The following MBNL2 variants were observed in gnomAD, a reference collection of about 807,000 sequenced individuals.
The protein encoded by MBNL2 is muscleblind like splicing regulator 2.
A neutral mutation model predicts 41.9 loss-of-function variants in MBNL2; 17 were observed. The ratio of observed to expected loss-of-function variants is 0.41; its 90% CI spans 0.28 to 0.61. The LOEUF is 0.61. MBNL2 is among the 20% of genes least tolerant of loss of function. The pLI, the probability that MBNL2 is intolerant of heterozygous loss-of-function variation, is 0.35. For missense variants in MBNL2, 336 were observed against 505.6 expected (o/e 0.66, Z 3.22); for synonymous variants, 195 against 182.9 (o/e 1.07, Z -0.53).
chr13:97,211,301 G>C, the MBNL2 span, among the ~76,000 whole-genome samples: 1 of 152,144 alleles, frequency 6.6e-6, no homozygotes, highest in Non-Finnish European at 1.5e-5. Flanking sequence ...TAAGTGATTA[G>C]GCTTGTTGGA....
chr13:97,148,603 G>C, the MBNL2 span, among the ~76,000 whole-genome samples: 2 of 152,120 alleles, frequency 1.3e-5, no homozygotes, highest in African/African-American at 4.8e-5. Context: ...GCTCAATTTT[G>C]CTGTGAAACG....
chr13:97,215,527 C>T, the MBNL2 span, among the ~76,000 whole-genome samples: 1 of 152,116 alleles, frequency 6.6e-6, no homozygotes, highest in Non-Finnish European at 1.5e-5. Flanking sequence ...ATGCAAGAAG[C>T]AATGTGGAAC....
At chr13:97,253,672 T>C (rs2046994563) in intron 1 of MBNL2, among the ~76,000 whole-genome samples, 1 of 152,152 alleles carries the variant, frequency 6.6e-6, no homozygotes, top group Non-Finnish European at 1.5e-5. Flanking sequence ...TTATCACTCA[T>C]ATAAAAAATT....
chr13:97,219,820 CTG>C (rs2040706741), upstream of MBNL2, among the ~76,000 whole-genome samples: 1 of 152,102 alleles, frequency 6.6e-6, no homozygotes, highest in Admixed American at 6.5e-5. Flanking sequence ...CCTGTTCTGA[CTG>C]AAGTGTGAAA....
intron 1 of MBNL2, among the ~76,000 whole-genome samples, chr13:97,254,665 G>A (rs113794458): frequency 0.01 from 1,546 of 151,918 alleles, 28 homozygotes; most frequent in Middle Eastern, 0.041. Context: ...CATAGGGATC[G>A]TAGGGATATG....
At chr13:97,273,121 G>A (rs368633531) in intron 1 of MBNL2, among the ~76,000 whole-genome samples, 1 of 152,166 alleles carries the variant, frequency 6.6e-6, no homozygotes. Context: ...TTTCCTCCAT[G>A]GGAGCCCTTG....
intron 1 of MBNL2, among the ~76,000 whole-genome samples, chr13:97,269,300 T>C (rs1434749860): frequency 6.6e-6 from 1 of 152,222 alleles, no homozygotes; most frequent in Non-Finnish European, 1.5e-5. Flanking sequence ...CTGTTCCCAG[T>C]GCAGCCTAGA....
At chr13:97,337,765 G>T (rs2061014924) in intron 3 of MBNL2, among the ~76,000 whole-genome samples, 1 of 152,172 alleles carries the variant, frequency 6.6e-6, no homozygotes, top group Non-Finnish European at 1.5e-5. Context: ...ATCACTGGAA[G>T]TATTAGAATA....
chr13:97,338,737 A>C (rs959886291), intron 3 of MBNL2, among the ~76,000 whole-genome samples: 2 of 152,224 alleles, frequency 1.3e-5, no homozygotes, highest in African/African-American at 4.8e-5. Context: ...CACGAGGGAC[A>C]AGTCTTGCAT....
chr13:97,277,032 A>G (rs753140769), intron 2 of MBNL2, among the ~76,000 whole-genome samples: 5 of 152,212 alleles, frequency 3.3e-5, no homozygotes, highest in Non-Finnish European at 7.3e-5. Flanking sequence ...AGTATCTACA[A>G]TGCAAGAAGG....
At chr13:97,323,830 T>C (rs2059699594) in intron 2 of MBNL2, among the ~76,000 whole-genome samples, 1 of 152,168 alleles carries the variant, frequency 6.6e-6, no homozygotes, top group Non-Finnish European at 1.5e-5. Flanking sequence ...ATGGGGTGCA[T>C]GAGATGTGTT....
intron 8 of MBNL2, among the ~76,000 whole-genome samples, chr13:97,385,869 T>C (rs1001723954): frequency 1.3e-5 from 2 of 152,224 alleles, no homozygotes; most frequent in African/African-American, 4.8e-5. Flanking sequence ...TGCTGATTAG[T>C]TCAAGTTCAG....
At chr13:97,218,440 C>CAAAACAAAAAAAAAA (rs55815508), upstream of MBNL2, among the ~76,000 whole-genome samples, 5 of 117,954 alleles carry the variant, frequency 4.2e-5, no homozygotes, top group South Asian at 2.6e-4. Context: ...CAAAACAAAA[C>CAAAACAAAAAAAAAA]AAAAAAAAAA....
chr13:97,242,969 C>G (rs2044625272), intron 1 of MBNL2, among the ~76,000 whole-genome samples: 1 of 152,226 alleles, frequency 6.6e-6, no homozygotes, highest in African/African-American at 2.4e-5. Context: ...CTCCCCTCCA[C>G]TGAGCGCATG....
intron 8 of MBNL2, among the ~76,000 whole-genome samples, chr13:97,382,077 CT>C (rs1304018689): frequency 2.3e-4 from 35 of 152,276 alleles, no homozygotes; most frequent in Admixed American, 1.9e-3. Flanking sequence ...ATTTTAAACA[CT>C]TTCAAATATT....
chr13:97,329,636 A>AC (rs2060211249), intron 2 of MBNL2, among the ~76,000 whole-genome samples: 1 of 150,850 alleles, frequency 6.6e-6, no homozygotes, highest in Non-Finnish European at 1.5e-5. Context: ...CTAGACACAC[A>AC]ACACACACAC....
chr13:97,206,293 A>C, the MBNL2 span, among the ~76,000 whole-genome samples: 2 of 151,880 alleles, frequency 1.3e-5, no homozygotes, highest in Non-Finnish European at 2.9e-5. Context: ...ATCTTTGTTC[A>C]CTGCATCGTG....
At chr13:97,324,154 C>G (rs926631007) in intron 2 of MBNL2, among the ~76,000 whole-genome samples, 1 of 152,154 alleles carries the variant, frequency 6.6e-6, no homozygotes, top group Non-Finnish European at 1.5e-5. Context: ...GTTAAATGTC[C>G]CATCCTCTGG....
intron 2 of MBNL2, among the ~76,000 whole-genome samples, chr13:97,332,234 G>T (rs1566422411): frequency 6.6e-6 from 1 of 152,310 alleles, no homozygotes; most frequent in South Asian, 2.1e-4. Flanking sequence ...GAAACCTGGG[G>T]TGGCTTATCC....
Sources: gnomAD v4.1 joint callset for allele counts (sites outside exome capture counted in the v4.1 genomes callset) on GRCh38, gnomAD v4.1.1 for gene constraint, MANE v1.5 for transcripts, NCBI Gene and HGNC (gene_info 2026-07-23, HGNC 2026-07-21) for gene names.